Variants in ARHGEF12 observed in about 807,000 individuals in gnomAD.
ARHGEF12 encodes the protein KMT2A/ARHGEF12 fusion protein.
In ARHGEF12, 66 loss-of-function variants were observed where a neutral mutation model predicts 211.2. That is an observed-to-expected ratio of 0.31 (90% CI 0.26 to 0.38). The LOEUF (loss-of-function observed/expected upper bound fraction) is 0.38, where lower values mean the gene tolerates loss of function less well. Among genes scored for constraint, ARHGEF12 ranks in the 10% least tolerant of loss-of-function variants. The pLI is 1.00. For synonymous variants in ARHGEF12, 592 were observed against 638.4 expected (o/e 0.93, Z 1.09); for missense variants, 1,429 against 1,869.5 (o/e 0.76, Z 4.34).
At chr11:120,392,153 C>T (rs905308047) in intron 1 of ARHGEF12, among the ~76,000 whole-genome samples, 1 of 152,128 alleles carries the variant, frequency 6.6e-6, no homozygotes, top group Admixed American at 6.6e-5. Context: ...TAAGCCACAG[C>T]GGACTTTGTA....
rs1947120173 is a variant in ARHGEF12 at position 120,478,322 on chromosome 11, A to G, written c.3699A>G (p.Gln1233=). 5 of 1,614,094 alleles carry G rather than the reference A, an allele frequency of 3.1e-6. No homozygotes were observed. Among genetic ancestry groups the G allele is most frequent in the Middle Eastern group, 1.6e-4 (1 of 6,084 alleles). ...GTLKEVGEDY[Q]IAIPDSHLPV... ...TAAAGGAAGTTGGAGAAGATTATCA[A>G]ATCGCAATCCCAGATTCACACCTGC... The change falls in exon 37 of 41, where the codon CAA becomes CAG. Residue 1233 remains glutamine, a synonymous_variant. Transcript: ENST00000397843.
chr11:120,457,452 GC>G, intron 23 of ARHGEF12: 1 of 490,922 alleles, frequency 2.0e-6, no homozygotes, highest in Non-Finnish European at 3.3e-6. Context: ...AACGTAGTGA[GC>G]CCCCACTTCA....
At chr11:120,458,989 C>A in intron 25 of ARHGEF12, 185 bp from the exon 26 acceptor site, 1 of 429,240 alleles carries the variant, frequency 2.3e-6, no homozygotes, top group Non-Finnish European at 3.8e-6. Context: ...CAGTATTCAA[C>A]TCTCAGAGCC....
In ARHGEF12 at chr11:120,488,879, C is replaced by T. The variant is rs1947467055; in HGVS notation, c.*3802C>T. On this transcript the variant is annotated 3_prime_UTR_variant, in exon 41 of 41. Transcript: ENST00000397843. ...AAAAGACTTTATTGTTCTAATTATC[C>T]AGATGTACCTTTGTAAAATAGCTCT... 9.3e-6 allele frequency: 2 copies of T among 214,448 alleles called. No homozygotes were observed. The highest frequency in any genetic ancestry group is 2.3e-5 in the African/African-American group (1 of 44,260). 13.3% of individuals were successfully genotyped at this position (214,448 alleles called of 1,614,324 possible). A position where few individuals can be genotyped will look rare whatever the true frequency, so the allele number is the denominator to read the frequency against.
At chr11:120,481,691 T>TTGAC in intron 39 of ARHGEF12, 115 bp downstream of exon 39, 1 of 1,012,948 alleles carries the variant, frequency 9.9e-7, no homozygotes, top group Non-Finnish European at 1.4e-6. Context: ...CTAGATTTCT[T>TTGAC]TGACTATTAT....
chr11:120,462,625 G>A (rs984867883), intron 27 of ARHGEF12: 3 of 152,210 alleles, frequency 2.0e-5, no homozygotes, highest in African/African-American at 7.2e-5. Context: ...AGGAAAAGCA[G>A]AATGGTGGTT....
At chr11:120,382,802 C>G (rs1943913676) in intron 1 of ARHGEF12, among the ~76,000 whole-genome samples, 1 of 152,062 alleles carries the variant, frequency 6.6e-6, no homozygotes, top group African/African-American at 2.4e-5. Context: ...CTTCTGGGCT[C>G]TGAAAGCATT....
intron 33 of ARHGEF12, 70 bp from the exon 34 acceptor site, chr11:120,476,591 G>A: frequency 9.3e-7 from 1 of 1,077,190 alleles, no homozygotes; most frequent in South Asian, 1.7e-5. Flanking sequence ...ACTATTTCAA[G>A]ACCCTAAAAA....
rs536307096 is a variant in ARHGEF12, at chr11:120,353,138, A to G, written c.32+15863A>G. Among the ~76,000 whole-genome samples the G allele has an allele frequency of 3.9e-5, 6 of 152,208 alleles. No homozygotes were observed. The East Asian group carries it at 1.2e-3, about 29-fold the overall frequency. On this transcript the variant is annotated intron_variant, in intron 1 of 40. Coordinates refer to ENST00000397843, the MANE Select transcript of ARHGEF12 (RefSeq NM_015313.3). ...TTCAGAAGTTTTGGTCTATCTCAGA[A>G]CCTTCAGATCACACTCAAAAGCTTG... is the stretch of plus-strand genomic sequence containing the variant.
Position 120,407,804 on chromosome 11 carries a change from A to G in ARHGEF12, c.123A>G (p.Ser41=). The G allele has an allele frequency of 6.2e-7, 1 of 1,613,674 alleles. No homozygotes were observed. Among genetic ancestry groups the G allele is most frequent in the Non-Finnish European group, 8.5e-7 (1 of 1,179,778 alleles). ...AGCAGAAAGTTGAGCGCATTGCATC[A>G]CATGATTTTGACCCCACAGGTAAAA... is the stretch of plus-strand genomic sequence containing the variant. ...DKKQKVERIA[S]HDFDPTDSSS... Residue 41 remains serine, a synonymous_variant, in exon 3 of 41, where the codon TCA becomes TCG. Coordinates refer to ENST00000397843, the MANE Select transcript of ARHGEF12 (RefSeq NM_015313.3).
rs1015505385 is a variant in ARHGEF12 at position 120,386,529 on chromosome 11, A to G, written c.33-19589A>G. Among the ~76,000 whole-genome samples the G allele has an allele frequency of 7.2e-5, 11 of 152,280 alleles. No individual in the cohort carries two copies. The East Asian group carries it at 7.7e-4, about 11-fold the overall frequency. ...CATTTTGAAAGCTGTTTGACTCCTC[A>G]GAAGTATTAACAAATTAACAAATTC... On this transcript the variant is annotated intron_variant, in intron 1 of 40. Coordinates refer to ENST00000397843, the MANE Select transcript of ARHGEF12 (RefSeq NM_015313.3).
intron 1 of ARHGEF12, among the ~76,000 whole-genome samples, chr11:120,349,455 G>T (rs1942867940): frequency 6.6e-6 from 1 of 152,054 alleles, no homozygotes; most frequent in South Asian, 2.1e-4. Context: ...GTGTGTATGT[G>T]TGTGTATGTA....
intron 1 of ARHGEF12, among the ~76,000 whole-genome samples, chr11:120,346,159 A>G (rs996247417): frequency 1.3e-5 from 2 of 152,196 alleles, no homozygotes; most frequent in African/African-American, 4.8e-5. Context: ...ATACCAGCCT[A>G]TAATTTTATT....
At chr11:120,340,694 T>G (rs1217480901) in intron 1 of ARHGEF12, among the ~76,000 whole-genome samples, 3 of 152,240 alleles carry the variant, frequency 2.0e-5, no homozygotes, top group Non-Finnish European at 4.4e-5. Context: ...TTGTAACCTT[T>G]TCTTGTAAAG....
intron 31 of ARHGEF12, among the ~76,000 whole-genome samples, 173 bp from the exon 32 acceptor site, chr11:120,474,382 ATTACT>A (rs1022510859): frequency 2.0e-5 from 3 of 152,258 alleles, no homozygotes; most frequent in African/African-American, 7.2e-5. Flanking sequence ...TTGTATGCAG[ATTACT>A]TTAATATGGC....
chr11:120,397,255 G>C (rs779669139), intron 1 of ARHGEF12, among the ~76,000 whole-genome samples: 1 of 152,150 alleles, frequency 6.6e-6, no homozygotes, highest in Non-Finnish European at 1.5e-5. Flanking sequence ...TGTCTTACAA[G>C]GTCTGTTGCC....
chr11:120,345,506 A>G (rs1267716461), intron 1 of ARHGEF12, among the ~76,000 whole-genome samples: 2 of 152,148 alleles, frequency 1.3e-5, no homozygotes, highest in Non-Finnish European at 2.9e-5. Flanking sequence ...GATCAAGACC[A>G]TTCTGGCTAA....
intron 30 of ARHGEF12, among the ~76,000 whole-genome samples, chr11:120,472,676 A>G (rs938428952): frequency 1.3e-5 from 2 of 151,042 alleles, no homozygotes; most frequent in Admixed American, 1.3e-4. Flanking sequence ...TTTTTTTGAG[A>G]TGGAGTCTTG....
At chr11:120,406,899 A>T (rs1418152370) in intron 2 of ARHGEF12, among the ~76,000 whole-genome samples, 1 of 152,208 alleles carries the variant, frequency 6.6e-6, no homozygotes, top group Admixed American at 6.5e-5. Flanking sequence ...AAAATCCAAA[A>T]TGTTAAAATG....
Sources: gnomAD v4.1 joint callset for allele counts (sites outside exome capture counted in the v4.1 genomes callset) on GRCh38, gnomAD v4.1.1 for gene constraint, MANE v1.5 for transcripts, NCBI Gene and HGNC (gene_info 2026-07-23, HGNC 2026-07-21) for gene names.